Variants in UBAP2 observed in about 807,000 individuals in gnomAD.
UBAP2 encodes ubiquitin associated protein 2.
A neutral mutation model predicts 139.6 loss-of-function variants in UBAP2; 75 were observed. The observed-to-expected ratio is 0.54, with a 90% CI of 0.45 to 0.65. The LOEUF (loss-of-function observed/expected upper bound fraction) is 0.65. UBAP2 is among the 30% of genes least tolerant of loss of function. UBAP2 has a pLI of 0.00. For synonymous variants in UBAP2, 526 were observed against 526.2 expected (o/e 1.00, Z 0.01); for missense variants, 1,368 against 1,369.6 (o/e 1.00, Z 0.02).
chr9:33,935,999 T>C, intron 16 of UBAP2, 121 bp from the exon 17 acceptor site: 2 of 1,076,280 alleles, frequency 1.9e-6, no homozygotes, highest in Non-Finnish European at 2.6e-6. Context: ...TTTATTCTAT[T>C]TTTTAATAAA....
chr9:34,040,914 T>C (rs990767367), intron 1 of UBAP2, among the ~76,000 whole-genome samples: 5 of 152,194 alleles, frequency 3.3e-5, no homozygotes, highest in Non-Finnish European at 7.3e-5. Flanking sequence ...CTGTGCAACA[T>C]GTGGAAAACA....
intron 5 of UBAP2, 91 bp downstream of exon 5, chr9:33,988,882 T>C: frequency 2.1e-6 from 3 of 1,413,150 alleles, no homozygotes; most frequent in Non-Finnish European, 2.9e-6. Context: ...CAGTGACTCA[T>C]GCCTGTAATC....
intron 3 of UBAP2, 158 bp from the exon 4 acceptor site, chr9:33,996,491 T>C: frequency 1.8e-6 from 1 of 565,310 alleles, no homozygotes; most frequent in Non-Finnish European, 3.1e-6. Context: ...ACTTATTTTT[T>C]TGTGGCCATT....
intron 1 of UBAP2, among the ~76,000 whole-genome samples, chr9:34,039,480 T>C (rs1053415898): frequency 1.3e-4 from 20 of 152,158 alleles, no homozygotes; most frequent in Admixed American, 3.3e-4. Context: ...GAAGTAGACA[T>C]AGGAGACTCC....
At chr9:33,957,277 G>A (rs1349175399) in intron 10 of UBAP2, among the ~76,000 whole-genome samples, 2 of 151,738 alleles carry the variant, frequency 1.3e-5, no homozygotes, top group South Asian at 2.1e-4. Flanking sequence ...CCAATAAACC[G>A]CAAATATTCA....
At chr9:34,018,996 T>C (rs915700665) in intron 1 of UBAP2, among the ~76,000 whole-genome samples, 1 of 152,118 alleles carries the variant, frequency 6.6e-6, no homozygotes, top group Non-Finnish European at 1.5e-5. Context: ...ATGTGACATA[T>C]ATACACAATG....
intron 2 of UBAP2, among the ~76,000 whole-genome samples, chr9:34,004,970 T>C (rs1006606240): frequency 2.7e-5 from 4 of 150,326 alleles, no homozygotes; most frequent in African/African-American, 7.3e-5. Flanking sequence ...TTAAATCCCA[T>C]TGAAAACAAC....
chr9:34,006,280 A>G (rs192677887), intron 2 of UBAP2, among the ~76,000 whole-genome samples: 49 of 152,114 alleles, frequency 3.2e-4, no homozygotes, highest in African/African-American at 1.2e-3. Context: ...CTAAAAGAAC[A>G]AACATCCACT....
chr9:34,043,186 T>G (rs1469378126), intron 1 of UBAP2, among the ~76,000 whole-genome samples: 1 of 152,074 alleles, frequency 6.6e-6, no homozygotes, highest in East Asian at 1.9e-4. Context: ...GTTTTTTGGG[T>G]TTTTCTTCTG....
At chr9:33,978,699 G>A (rs777751147) in intron 6 of UBAP2, among the ~76,000 whole-genome samples, 37 of 152,090 alleles carry the variant, frequency 2.4e-4, no homozygotes, top group Non-Finnish European at 4.7e-4. Flanking sequence ...AGAATGGCGT[G>A]AACCCAGGAG....
rs1414576621 is a variant in UBAP2, at chr9:33,927,781, C to G, written c.2371+16G>C. On this transcript the variant is annotated intron_variant, in intron 20 of 28. Coordinates refer to ENST00000379238, the MANE Select transcript of UBAP2 (RefSeq NM_001370062.2). ...GGGGCTCAGGGGTGGGCAGGAAAGG[C>G]CTCTGGAGCAAATACCTGAGGTCAC... The G allele has an allele frequency of 1.3e-6, 2 of 1,596,730 alleles. No individual in the cohort carries two copies. The highest frequency in any genetic ancestry group is 2.7e-5 in the African/African-American group (2 of 74,838).
Position 33,922,304 on chromosome 9 carries a change from C to G in UBAP2, c.*200G>C, listed in dbSNP as rs928864349. On this transcript the variant is annotated 3_prime_UTR_variant, in exon 29 of 29. Coordinates refer to ENST00000379238, the MANE Select transcript of UBAP2 (RefSeq NM_001370062.2). ...ATCTGCCGCCATCCCCCAACTCCCCCCCAGACTTCTATCACATTTACAAAT... is the reference window on the plus strand; with the variant it reads ...ATCTGCCGCCATCCCCCAACTCCCCGCCAGACTTCTATCACATTTACAAAT... The G allele has an allele frequency of 6.7e-6, 4 of 593,090 alleles. No individual in the cohort carries two copies. The highest frequency in any genetic ancestry group is 5.9e-5 in the Admixed American group (2 of 33,624). The allele number at this position is 593,090 out of a possible 1,614,324, so 36.7% of individuals were successfully genotyped here.
chr9:33,951,492 G>A (rs758039396), intron 12 of UBAP2, among the ~76,000 whole-genome samples: 2 of 151,546 alleles, frequency 1.3e-5, no homozygotes, highest in African/African-American at 4.8e-5. Context: ...GATTATAGGC[G>A]CCCACCACTA....
chr9:33,944,276 C>T (rs1825474102), intron 14 of UBAP2, 89 bp downstream of exon 14: 6 of 1,524,032 alleles, frequency 3.9e-6, no homozygotes, highest in Admixed American at 1.8e-5. Context: ...AAACACTGTA[C>T]CCCAGTTTCC....
intron 4 of UBAP2, among the ~76,000 whole-genome samples, chr9:33,990,473 G>T (rs1821605686): frequency 6.6e-6 from 1 of 152,068 alleles, no homozygotes; most frequent in African/African-American, 2.4e-5. Context: ...AAATGGATAT[G>T]AAAAAGATAT....
intron 6 of UBAP2, among the ~76,000 whole-genome samples, chr9:33,983,655 TTTTC>T (rs1334071365): frequency 1.3e-5 from 2 of 152,168 alleles, no homozygotes; most frequent in Admixed American, 1.3e-4. Flanking sequence ...TTACCTTCTA[TTTTC>T]TTTTTCTTCC....
chr9:34,020,736 C>A (rs552074653), intron 1 of UBAP2, among the ~76,000 whole-genome samples: 31 of 151,624 alleles, frequency 2.0e-4, no homozygotes, highest in Non-Finnish European at 4.1e-4. Context: ...CTCTGCTCAC[C>A]GCAAGCTCTG....
At chr9:33,982,616 C>T (rs1223722616) in intron 6 of UBAP2, among the ~76,000 whole-genome samples, 1 of 152,144 alleles carries the variant, frequency 6.6e-6, no homozygotes. Flanking sequence ...GAACAGCCAC[C>T]ATACAGTCCC....
chr9:33,989,040 C>T lies in UBAP2; in HGVS notation c.375G>A (p.Glu125=). ...ENKENREKKS[E]KESSRGRGNN... Reference sequence around the variant, plus strand: ...TTCCACGTCCACGACTCGATTCTTTCTCGCTTTTCTTCTCTCTATTCTCTT... The same window carrying T: ...TTCCACGTCCACGACTCGATTCTTTTTCGCTTTTCTTCTCTCTATTCTCTT... The change falls in exon 5 of 29, where the codon GAG becomes GAA. Residue 125 remains glutamate, a synonymous_variant. Transcript: ENST00000379238. 1 of 1,613,988 alleles carries T rather than the reference C, an allele frequency of 6.2e-7. No homozygotes were observed. Among genetic ancestry groups the T allele is most frequent in the Non-Finnish European group, 8.5e-7 (1 of 1,179,972 alleles).
Sources: gnomAD v4.1 joint callset for allele counts (sites outside exome capture counted in the v4.1 genomes callset) on GRCh38, gnomAD v4.1.1 for gene constraint, MANE v1.5 for transcripts, NCBI Gene and HGNC (gene_info 2026-07-23, HGNC 2026-07-21) for gene names.